Variants in TAS2R1 observed in about 807,000 individuals in gnomAD.
The protein encoded by TAS2R1 is taste 2 receptor member 1, also known as taste receptor type 2 member 1.
For missense variants in TAS2R1, 370 were observed against 353.4 expected, an observed-to-expected ratio of 1.05 and a Z score of -0.38; for synonymous variants, 141 against 134.2, an observed-to-expected ratio of 1.05 and a Z score of -0.35.
the TAS2R1 span, among the ~76,000 whole-genome samples, chr5:9,847,181 T>C: frequency 6.6e-6 from 1 of 152,242 alleles, no homozygotes; most frequent in African/African-American, 2.4e-5. Flanking sequence ...CCTTCTCAAA[T>C]TGTCCATTGT....
chr5:9,840,645 T>A, the TAS2R1 span, among the ~76,000 whole-genome samples: 11 of 152,092 alleles, frequency 7.2e-5, 1 homozygote, highest in South Asian at 2.3e-3. Context: ...ACAGTCAATG[T>A]TCATTTATAT....
the TAS2R1 span, among the ~76,000 whole-genome samples, chr5:9,788,247 T>C: frequency 6.6e-6 from 1 of 152,238 alleles, no homozygotes; most frequent in Admixed American, 6.5e-5. Context: ...GCCTGCCTAA[T>C]CTAAATTGGC....
At chr5:9,809,083 C>T in the TAS2R1 span, among the ~76,000 whole-genome samples, 1 of 152,194 alleles carries the variant, frequency 6.6e-6, no homozygotes, top group East Asian at 1.9e-4. Context: ...ATACCTGTCT[C>T]ATCATTGCAG....
At chr5:9,897,795 A>G in the TAS2R1 span, among the ~76,000 whole-genome samples, 1 of 152,232 alleles carries the variant, frequency 6.6e-6, no homozygotes, top group African/African-American at 2.4e-5. Context: ...TGTACTAGGA[A>G]GATGATGAAA....
Position 9,630,092 on chromosome 5 carries a change from T to G in TAS2R1, c.-60A>C, listed in dbSNP as rs572983215. 541 of 1,416,058 alleles carry G rather than the reference T, an allele frequency of 3.8e-4. No homozygotes were observed. The highest frequency in any genetic ancestry group is 4.8e-4 in the Non-Finnish European group (514 of 1,066,512). 87.7% of individuals were successfully genotyped at this position (1,416,058 alleles called of 1,614,324 possible). Reference sequence around the variant, plus strand: ...TGAAGTTATAAAGTTTTGGACAGGTTGGGTTGTTCACGCTCTTCAATTAGA... The same window carrying G: ...TGAAGTTATAAAGTTTTGGACAGGTGGGGTTGTTCACGCTCTTCAATTAGA... On this transcript the variant is annotated 5_prime_UTR_variant, in exon 1 of 1. Coordinates refer to ENST00000382492, the MANE Select transcript of TAS2R1 (RefSeq NM_019599.3).
the TAS2R1 span, among the ~76,000 whole-genome samples, chr5:9,753,453 T>C: frequency 6.6e-6 from 1 of 152,238 alleles, no homozygotes; most frequent in Non-Finnish European, 1.5e-5. Context: ...ATTAGCCCTT[T>C]GTCAGATGAG....
At chr5:9,734,996 G>T in the TAS2R1 span, among the ~76,000 whole-genome samples, 1 of 151,388 alleles carries the variant, frequency 6.6e-6, no homozygotes, top group South Asian at 2.1e-4. Context: ...AATTCTGTAG[G>T]CTGTACAGGA....
chr5:9,636,153 C>T (rs1249177059), intron 2 of TAS2R1, among the ~76,000 whole-genome samples: 1 of 151,908 alleles, frequency 6.6e-6, no homozygotes, highest in African/African-American at 2.4e-5. Context: ...CCGTTCAGCT[C>T]AAATAATTTT....
chr5:9,646,313 G>A (rs950674287), intron 2 of TAS2R1, among the ~76,000 whole-genome samples: 3 of 152,110 alleles, frequency 2.0e-5, no homozygotes, highest in Non-Finnish European at 4.4e-5. Flanking sequence ...AAAGCATAAG[G>A]TTACCATATG....
At chr5:9,670,098 A>T (rs556280957) in intron 1 of TAS2R1, among the ~76,000 whole-genome samples, 15 of 152,250 alleles carry the variant, frequency 9.9e-5, no homozygotes, top group South Asian at 2.1e-4. Flanking sequence ...AATACAAAAA[A>T]ACCCTCAGAG....
chr5:9,760,366 TC>T, the TAS2R1 span, among the ~76,000 whole-genome samples: 1 of 152,084 alleles, frequency 6.6e-6, no homozygotes, highest in Non-Finnish European at 1.5e-5. Context: ...TGCCCTAATA[TC>T]AAAACCATGC....
intron 1 of TAS2R1, among the ~76,000 whole-genome samples, chr5:9,689,186 C>T (rs1332918075): frequency 6.6e-6 from 1 of 152,148 alleles, no homozygotes; most frequent in Non-Finnish European, 1.5e-5. Context: ...ATCTTCCTAG[C>T]TACCTACCTA....
At chr5:9,660,152 G>A (rs1740502882) in intron 1 of TAS2R1, among the ~76,000 whole-genome samples, 1 of 147,120 alleles carries the variant, frequency 6.8e-6, no homozygotes, top group Non-Finnish European at 1.5e-5. Flanking sequence ...TCTGCCTCCT[G>A]GGTTCATGCC....
chr5:9,736,660 A>G, the TAS2R1 span, among the ~76,000 whole-genome samples: 1 of 152,198 alleles, frequency 6.6e-6, no homozygotes, highest in East Asian at 1.9e-4. Flanking sequence ...CAAATAAAGT[A>G]CTTGTGTTTG....
At chr5:9,663,097 C>T (rs766834677) in intron 1 of TAS2R1, among the ~76,000 whole-genome samples, 2 of 151,514 alleles carry the variant, frequency 1.3e-5, no homozygotes, top group South Asian at 2.1e-4. Flanking sequence ...TATTTGCATG[C>T]TATTCTATAC....
chr5:9,649,672 C>T (rs1740264162), intron 2 of TAS2R1, among the ~76,000 whole-genome samples: 1 of 152,082 alleles, frequency 6.6e-6, no homozygotes, highest in Non-Finnish European at 1.5e-5. Context: ...TGTTCTGGAC[C>T]ATGCAAAAAT....
the TAS2R1 span, among the ~76,000 whole-genome samples, chr5:9,805,546 A>G: frequency 6.6e-6 from 1 of 152,168 alleles, no homozygotes; most frequent in East Asian, 1.9e-4. Context: ...AAGATAATCC[A>G]CCATGATCAA....
the TAS2R1 span, among the ~76,000 whole-genome samples, chr5:9,845,752 T>C: frequency 0.11 from 16,167 of 152,296 alleles, 950 homozygotes; most frequent in Non-Finnish European, 0.13. Context: ...GAGAAAATGT[T>C]TGCAAAGTGT....
chr5:9,811,037 C>T, the TAS2R1 span, among the ~76,000 whole-genome samples: 1 of 152,166 alleles, frequency 6.6e-6, no homozygotes, highest in African/African-American at 2.4e-5. Context: ...TCCCCTAAAA[C>T]TCATATGTTG....
Sources: gnomAD v4.1 joint callset for allele counts (sites outside exome capture counted in the v4.1 genomes callset) on GRCh38, gnomAD v4.1.1 for gene constraint, MANE v1.5 for transcripts, NCBI Gene and HGNC (gene_info 2026-07-23, HGNC 2026-07-21) for gene names.